Variants in WDR7 observed in about 807,000 individuals in gnomAD.
WDR7 encodes WD repeat-containing protein 7.
In WDR7, 46 loss-of-function variants were observed where a neutral mutation model predicts 169.4. The ratio of observed to expected loss-of-function variants is 0.27; its 90% CI spans 0.21 to 0.35. The LOEUF (loss-of-function observed/expected upper bound fraction) is 0.35. WDR7 is among the 10% of genes least tolerant of loss of function. The pLI is 1.00. For missense variants in WDR7, 1,534 were observed against 1,859.3 expected, an observed-to-expected ratio of 0.83 and a Z score of 3.22; for synonymous variants, 612 against 666.8, an observed-to-expected ratio of 0.92 and a Z score of 1.27.
At chr18:57,015,736 T>A (rs1185126053) in intron 26 of WDR7, among the ~76,000 whole-genome samples, 1 of 152,254 alleles carries the variant, frequency 6.6e-6, no homozygotes, top group Non-Finnish European at 1.5e-5. Context: ...CGATGAGTGC[T>A]GCAAGCACCC....
At chr18:57,024,879 G>GACA (rs1385807962) in intron 27 of WDR7, among the ~76,000 whole-genome samples, 1 of 104,152 alleles carries the variant, frequency 9.6e-6, no homozygotes, top group African/African-American at 4.8e-5. Context: ...CCTATTCTCA[G>GACA]GCAGGAATAG....
intron 25 of WDR7, among the ~76,000 whole-genome samples, chr18:56,943,219 A>T (rs1034060232): frequency 6.6e-6 from 1 of 152,210 alleles, no homozygotes; most frequent in Non-Finnish European, 1.5e-5. Flanking sequence ...GCCTTACAGC[A>T]CTTTTGAGTC....
intron 21 of WDR7, among the ~76,000 whole-genome samples, chr18:56,920,178 T>G (rs2046694042): frequency 6.6e-6 from 1 of 152,142 alleles, no homozygotes; most frequent in South Asian, 2.1e-4. Flanking sequence ...TTACACATGC[T>G]CTTTCCTCTG....
intron 13 of WDR7, among the ~76,000 whole-genome samples, chr18:56,722,761 C>G (rs1391333171): frequency 6.6e-6 from 1 of 152,058 alleles, no homozygotes. Context: ...TCTCACAACC[C>G]CTCCATGCAA....
intron 7 of WDR7, among the ~76,000 whole-genome samples, chr18:56,690,136 A>G (rs865789804): frequency 9.8e-5 from 15 of 152,306 alleles, no homozygotes; most frequent in Middle Eastern, 3.4e-3. Flanking sequence ...TTCTGCTAGG[A>G]ATTATAAGAG....
At chr18:56,926,200 C>T (rs576834168) in intron 22 of WDR7, among the ~76,000 whole-genome samples, 2 of 152,266 alleles carry the variant, frequency 1.3e-5, no homozygotes, top group East Asian at 1.9e-4. Flanking sequence ...AATTTGAGCC[C>T]AGGAGTCTGT....
At chr18:56,803,921 C>T (rs56662590) in intron 19 of WDR7, among the ~76,000 whole-genome samples, 20,063 of 152,104 alleles carry the variant, frequency 0.13, 2,033 homozygotes, top group African/African-American at 0.29. Flanking sequence ...TCAACCTTTT[C>T]AGTAGCTGGG....
In WDR7 at chr18:56,757,284, G is replaced by C; in HGVS notation, c.2691G>C (p.Leu897Phe). 6.2e-7 allele frequency: 1 copy of C among 1,614,032 alleles called. No individual in the cohort carries two copies. The highest frequency in any genetic ancestry group is 8.5e-7 in the Non-Finnish European group (1 of 1,180,014). The stretch of plus-strand genomic sequence containing the variant: ...AGCATCTCCTGTCTATCATTTCTTT[G>C]GCAAATACTTTAATGAGTATGACCA... ...TTQHLLSIIS[L>F]ANTLMSMTNA... The change falls in exon 15 of 28, where the codon TTG becomes TTC. Residue 897 changes from leucine (L) to phenylalanine (F), a missense_variant. By Grantham distance (22) the Leu-to-Phe change is conservative. Coordinates refer to ENST00000254442, the MANE Select transcript of WDR7 (RefSeq NM_015285.3).
chr18:56,845,874 T>G (rs980221400), intron 20 of WDR7, among the ~76,000 whole-genome samples: 1 of 152,212 alleles, frequency 6.6e-6, no homozygotes, highest in African/African-American at 2.4e-5. Flanking sequence ...GAAATTTGCT[T>G]GAAAAAATGT....
At chr18:56,972,741 A>T (rs560800144) in intron 26 of WDR7, among the ~76,000 whole-genome samples, 1 of 152,362 alleles carries the variant, frequency 6.6e-6, no homozygotes, top group South Asian at 2.1e-4. Context: ...ACCATCATTT[A>T]TTCTGAAAGT....
intron 1 of WDR7, among the ~76,000 whole-genome samples, chr18:56,664,470 G>T (rs902448204): frequency 6.6e-6 from 1 of 151,558 alleles, no homozygotes; most frequent in African/African-American, 2.4e-5. Context: ...AATGGTAGAC[G>T]GTGAGAACAT....
intron 19 of WDR7, among the ~76,000 whole-genome samples, chr18:56,791,855 T>C (rs1193202746): frequency 1.3e-5 from 2 of 152,156 alleles, no homozygotes; most frequent in African/African-American, 2.4e-5. Flanking sequence ...ATGATGGTTC[T>C]CAAAAGGAAA....
intron 26 of WDR7, among the ~76,000 whole-genome samples, chr18:57,003,566 G>C (rs1009881525): frequency 1.3e-5 from 2 of 151,916 alleles, no homozygotes; most frequent in African/African-American, 4.8e-5. Flanking sequence ...TCAGGTTTTT[G>C]ATCTCCATAA....
chr18:56,762,739 A>C (rs1454059104), intron 16 of WDR7, among the ~76,000 whole-genome samples: 1 of 151,796 alleles, frequency 6.6e-6, no homozygotes, highest in South Asian at 2.1e-4. Context: ...ATTTTTCCCC[A>C]CTTCCTTAAA....
rs982038927 is a variant in WDR7, at chr18:56,685,965, T to C, written c.530T>C (p.Val177Ala). ...IRSHRTQEDT[V>A]VALSVTGILK... is the part of the protein sequence containing the mutation. ...TCCCTTCTCATTTTAGAGGACACAG[T>C]GGTAGCACTCTCGGTGACTGGCATC... is the stretch of plus-strand genomic sequence containing the variant. The change falls in exon 6 of 28, where the codon GTG becomes GCG. Residue 177 changes from valine to alanine, a missense_variant. Val to Ala is a moderately conservative substitution (Grantham distance 64, BLOSUM62 0). Transcript: ENST00000254442. 6.2e-7 allele frequency: 1 copy of C among 1,604,894 alleles called. No homozygotes were observed. The highest frequency in any genetic ancestry group is 8.5e-7 in the Non-Finnish European group (1 of 1,176,910).
intron 25 of WDR7, among the ~76,000 whole-genome samples, chr18:56,953,102 G>C (rs1053124071): frequency 1.3e-5 from 2 of 152,174 alleles, no homozygotes; most frequent in Non-Finnish European, 1.5e-5. Context: ...CTGTCACCCT[G>C]GTGGAGGATA....
chr18:56,681,114 TG>T (rs544495423), intron 3 of WDR7, among the ~76,000 whole-genome samples, 198 bp from the exon 4 acceptor site: 1 of 151,774 alleles, frequency 6.6e-6, no homozygotes, highest in Admixed American at 6.6e-5. Context: ...TGGACTATGG[TG>T]GGGGGTGGGC....
intron 1 of WDR7, among the ~76,000 whole-genome samples, chr18:56,655,838 T>C (rs1246068198): frequency 6.6e-6 from 1 of 152,184 alleles, no homozygotes; most frequent in Non-Finnish European, 1.5e-5. Context: ...TTCATCCAAA[T>C]TGTTGAATGA....
intron 21 of WDR7, among the ~76,000 whole-genome samples, chr18:56,905,550 T>G (rs2046463736): frequency 1.3e-5 from 2 of 152,148 alleles, no homozygotes; most frequent in South Asian, 4.2e-4. Flanking sequence ...CCCTGAGAAC[T>G]TACAATTCAA....
Sources: gnomAD v4.1 joint callset for allele counts (sites outside exome capture counted in the v4.1 genomes callset) on GRCh38, gnomAD v4.1.1 for gene constraint, MANE v1.5 for transcripts, NCBI Gene and HGNC (gene_info 2026-07-23, HGNC 2026-07-21) for gene names.